SGCZ: variants seen among roughly 807,000 people sequenced by gnomAD.
The protein encoded by SGCZ is zeta-sarcoglycan.
SGCZ carries 40 observed loss-of-function variants against 41.3 expected under a neutral mutation model. That is an observed-to-expected ratio of 0.97 (90% CI 0.75 to 1.26). SGCZ has a LOEUF of 1.26. Ranked by LOEUF, SGCZ falls within the 50% of genes most tolerant of loss-of-function variation. The pLI is 0.00. For missense variants in SGCZ, 552 were observed against 369.8 expected, an observed-to-expected ratio of 1.49 and a Z score of -4.04; for synonymous variants, 206 against 137.5, an observed-to-expected ratio of 1.50 and a Z score of -3.49.
At chr8:14,290,662 T>C (rs1451131734) in intron 3 of SGCZ, among the ~76,000 whole-genome samples, 1 of 152,072 alleles carries the variant, frequency 6.6e-6, no homozygotes. Flanking sequence ...TATGAGTGGC[T>C]AGTATATAAA....
chr8:14,484,709 A>C (rs1197950714), intron 2 of SGCZ, among the ~76,000 whole-genome samples: 1 of 152,298 alleles, frequency 6.6e-6, no homozygotes, highest in South Asian at 2.1e-4. Flanking sequence ...TGTTTGAATC[A>C]ATTTTAAAAT....
At chr8:15,119,299 G>A (rs1807389880) in intron 1 of SGCZ, among the ~76,000 whole-genome samples, 1 of 152,168 alleles carries the variant, frequency 6.6e-6, no homozygotes, top group Admixed American at 6.5e-5. Flanking sequence ...GGGAGGCCGA[G>A]GTGGGTGGAT....
At chr8:15,209,013 G>A (rs1056141830) in intron 1 of SGCZ, among the ~76,000 whole-genome samples, 2 of 151,878 alleles carry the variant, frequency 1.3e-5, no homozygotes, top group Non-Finnish European at 2.9e-5. Context: ...AGAGTGGTGT[G>A]GTAGAGGTCA....
intron 4 of SGCZ, among the ~76,000 whole-genome samples, chr8:14,182,393 T>A (rs908851379): frequency 2.6e-5 from 4 of 152,136 alleles, no homozygotes; most frequent in Admixed American, 2.6e-4. Flanking sequence ...ACAGTAGGCA[T>A]AGAGCCAGAA....
chr8:15,065,427 T>A lies in SGCZ; in HGVS notation c.39+172158A>T, dbSNP rs915154639. 6.6e-3 allele frequency among the ~76,000 whole-genome samples: 681 copies of A among 102,940 alleles called. 3 individuals carry two copies. The highest frequency in any genetic ancestry group is 0.028 in the African/African-American group (649 of 23,172). The allele number at this position is 102,940 out of a possible 152,430, so 67.5% of individuals were successfully genotyped here. On this transcript the variant is annotated intron_variant, in intron 1 of 7. Transcript: ENST00000382080. ...CACATGGTATTGTAATTATTATTATTATTATTATTATTATTATTATTATTA... is the reference window on the plus strand; with the variant it reads ...CACATGGTATTGTAATTATTATTATAATTATTATTATTATTATTATTATTA...
At chr8:15,022,112 G>C (rs1016064587) in intron 1 of SGCZ, among the ~76,000 whole-genome samples, 1 of 152,102 alleles carries the variant, frequency 6.6e-6, no homozygotes, top group East Asian at 1.9e-4. Context: ...ACCTGATCAA[G>C]GTAACAATGA....
intron 2 of SGCZ, among the ~76,000 whole-genome samples, chr8:14,480,378 C>T (rs909422743): frequency 6.6e-6 from 1 of 152,116 alleles, no homozygotes; most frequent in Non-Finnish European, 1.5e-5. Flanking sequence ...CTCCAGCCTC[C>T]TTGGCTAATT....
rs183221854 is a variant in SGCZ, at chr8:15,186,449, A to C, written c.39+51136T>G. Among the ~76,000 whole-genome samples, 283 of 152,258 alleles carry C rather than the reference A, an allele frequency of 1.9e-3. 1 individual carries two copies. Among genetic ancestry groups the C allele is most frequent in the Non-Finnish European group, 2.9e-3 (198 of 68,012 alleles). On this transcript the variant is annotated intron_variant, in intron 1 of 7. Coordinates refer to ENST00000382080, the MANE Select transcript of SGCZ (RefSeq NM_139167.4). ...ACTCATAAATGTAAAAACTGTAATC[A>C]GTATTTTGCTTACCCAAAATGAAAG...
chr8:14,263,566 C>T (rs562655342), intron 3 of SGCZ, among the ~76,000 whole-genome samples: 1 of 151,880 alleles, frequency 6.6e-6, no homozygotes, highest in African/African-American at 2.4e-5. Flanking sequence ...ACGTATATAA[C>T]TAAATAAAAT....
At chr8:14,848,912 A>T (rs1178665257) in intron 1 of SGCZ, among the ~76,000 whole-genome samples, 1 of 152,176 alleles carries the variant, frequency 6.6e-6, no homozygotes, top group African/African-American at 2.4e-5. Context: ...ACAAGCTACA[A>T]GCTATAAGGA....
chr8:14,610,375 T>C (rs902172889), intron 1 of SGCZ, among the ~76,000 whole-genome samples: 7 of 152,202 alleles, frequency 4.6e-5, no homozygotes, highest in African/African-American at 1.7e-4. Context: ...CTGAGAGGAT[T>C]CTGCACAGAC....
chr8:15,030,404 C>G (rs896765716), intron 1 of SGCZ, among the ~76,000 whole-genome samples: 1 of 151,940 alleles, frequency 6.6e-6, no homozygotes, highest in Non-Finnish European at 1.5e-5. Context: ...TTTTTACTAA[C>G]TATGTAATAA....
chr8:14,609,431 T>C (rs1190155222), intron 1 of SGCZ, among the ~76,000 whole-genome samples: 7 of 152,138 alleles, frequency 4.6e-5, no homozygotes, highest in African/African-American at 1.4e-4. Flanking sequence ...GAAAGGAAGA[T>C]GTTAGGCAAG....
In SGCZ at chr8:14,459,932, G is replaced by A. The variant is rs575872116; in HGVS notation, c.234+94800C>T. Among the ~76,000 whole-genome samples, 51 of 152,168 alleles carry A rather than the reference G, an allele frequency of 3.4e-4. 1 individual carries two copies. Among genetic ancestry groups the A allele is most frequent in the African/African-American group, 1.2e-3 (48 of 41,538 alleles). On this transcript the variant is annotated intron_variant, in intron 2 of 7. Coordinates refer to ENST00000382080, the MANE Select transcript of SGCZ (RefSeq NM_139167.4). Reference sequence around the variant, plus strand: ...AGCCATAAAAAGACAAGAAAAAACTGGAGATTATGCCATAAATTGCAGAAG... The same window carrying A: ...AGCCATAAAAAGACAAGAAAAAACTAGAGATTATGCCATAAATTGCAGAAG...
chr8:14,819,701 G>A (rs576176568), intron 1 of SGCZ, among the ~76,000 whole-genome samples: 2 of 152,176 alleles, frequency 1.3e-5, no homozygotes, highest in South Asian at 4.1e-4. Flanking sequence ...AGATAAATAA[G>A]TAAATTAGAG....
chr8:14,840,470 A>G (rs1802865372), intron 1 of SGCZ, among the ~76,000 whole-genome samples: 1 of 152,220 alleles, frequency 6.6e-6, no homozygotes, highest in South Asian at 2.1e-4. Flanking sequence ...CGTGGCCAGG[A>G]AAAGCTGTGA....
At chr8:14,263,736 C>T (rs183580160) in intron 3 of SGCZ, among the ~76,000 whole-genome samples, 1 of 152,118 alleles carries the variant, frequency 6.6e-6, no homozygotes, top group East Asian at 1.9e-4. Context: ...GGTGAGAGGT[C>T]AAAGTACCTG....
intron 1 of SGCZ, among the ~76,000 whole-genome samples, chr8:15,085,888 C>T (rs1211701905): frequency 1.3e-5 from 2 of 152,094 alleles, no homozygotes; most frequent in Non-Finnish European, 2.9e-5. Context: ...CATCACCTAC[C>T]CTCCTGTTGG....
chr8:14,461,449 C>G (rs554441715), intron 2 of SGCZ, among the ~76,000 whole-genome samples: 1 of 152,196 alleles, frequency 6.6e-6, no homozygotes, highest in African/African-American at 2.4e-5. Flanking sequence ...AAAATGGGTA[C>G]TGTAGAGCCT....
Sources: gnomAD v4.1 joint callset for allele counts (sites outside exome capture counted in the v4.1 genomes callset) on GRCh38, gnomAD v4.1.1 for gene constraint, MANE v1.5 for transcripts, NCBI Gene and HGNC (gene_info 2026-07-23, HGNC 2026-07-21) for gene names.